TMEM156: variants seen among roughly 807,000 people sequenced by gnomAD.
TMEM156 encodes transmembrane protein 156.
A neutral mutation model predicts 30.5 loss-of-function variants in TMEM156; 28 were observed. That is an observed-to-expected ratio of 0.92 (90% CI 0.68 to 1.26). The LOEUF (loss-of-function observed/expected upper bound fraction) is 1.26. Among genes scored for constraint, TMEM156 ranks in the 50% most tolerant of loss-of-function variants. TMEM156 has a pLI of 0.00. For synonymous variants in TMEM156, 137 were observed against 119.9 expected (o/e 1.14, Z -0.93); for missense variants, 351 against 340.6 (o/e 1.03, Z -0.24).
At chr4:38,983,695 C>T (rs1359977743) in intron 5 of TMEM156, among the ~76,000 whole-genome samples, 8 of 152,222 alleles carry the variant, frequency 5.3e-5, no homozygotes, top group Non-Finnish European at 8.8e-5. Flanking sequence ...CCACCACACT[C>T]GGCCTAGAGT....
intron 1 of TMEM156, among the ~76,000 whole-genome samples, chr4:39,004,927 T>G (rs1713624911): frequency 6.6e-6 from 1 of 152,164 alleles, no homozygotes; most frequent in African/African-American, 2.4e-5. Flanking sequence ...GACCTGTACG[T>G]GAATTTTTAT....
intron 1 of TMEM156, among the ~76,000 whole-genome samples, chr4:39,001,643 C>T (rs1159145127): frequency 6.6e-6 from 1 of 150,428 alleles, no homozygotes; most frequent in African/African-American, 2.4e-5. Flanking sequence ...TACTACAAGG[C>T]TACAGTAACC....
At chr4:38,977,155 T>A (rs1722896992) in intron 5 of TMEM156, among the ~76,000 whole-genome samples, 1 of 152,184 alleles carries the variant, frequency 6.6e-6, no homozygotes, top group Admixed American at 6.5e-5. Context: ...TCCGCCCACC[T>A]CGGCCTTCCA....
Position 38,994,832 on chromosome 4 carries a change from T to C in TMEM156, c.359-834A>G, listed in dbSNP as rs1048264844. Reference sequence around the variant, plus strand: ...GCGTGGTGATGTGTGCCTGCAGGTGTAGCTACTTGGCAGGAGACTCGTTTG... The same window carrying C: ...GCGTGGTGATGTGTGCCTGCAGGTGCAGCTACTTGGCAGGAGACTCGTTTG... On this transcript the variant is annotated intron_variant, in intron 2 of 6. Coordinates refer to ENST00000381938, the MANE Select transcript of TMEM156 (RefSeq NM_024943.3). Among the ~76,000 whole-genome samples, 5 of 151,978 alleles carry C rather than the reference T, an allele frequency of 3.3e-5. No individual in the cohort carries two copies. The South Asian group carries it at 6.2e-4, about 19-fold the overall frequency.
intron 1 of TMEM156, among the ~76,000 whole-genome samples, chr4:39,006,058 G>A (rs892073648): frequency 1.3e-5 from 2 of 152,032 alleles, no homozygotes; most frequent in Non-Finnish European, 1.5e-5. Context: ...GCCATGCCTG[G>A]CTAATTTTTG....
chr4:38,990,830 G>GTTTCTTTTTTTTTTT (rs1553878600), intron 3 of TMEM156, among the ~76,000 whole-genome samples: 1 of 81,216 alleles, frequency 1.2e-5, no homozygotes, highest in African/African-American at 4.6e-5. Flanking sequence ...TTGTTTTCTG[G>GTTTCTTTTTTTTTTT]TTTTTTTTTT....
At chr4:39,000,393 A>G (rs1461184335) in intron 1 of TMEM156, among the ~76,000 whole-genome samples, 1 of 152,150 alleles carries the variant, frequency 6.6e-6, no homozygotes, top group East Asian at 1.9e-4. Flanking sequence ...CCATGTCTCA[A>G]AAGGAGAAAA....
chr4:39,010,079 C>A (rs1312950808), intron 1 of TMEM156, among the ~76,000 whole-genome samples: 1 of 152,030 alleles, frequency 6.6e-6, no homozygotes, highest in Non-Finnish European at 1.5e-5. Flanking sequence ...AAATCAGTAG[C>A]ATTTCTATAC....
intron 4 of TMEM156, 137 bp downstream of exon 4, chr4:38,988,714 C>T (rs3821986): frequency 0.51 from 588,451 of 1,155,666 alleles, 153,368 homozygotes; most frequent in East Asian, 0.68. Context: ...GTTTTATCTA[C>T]GTTTTTATTC....
At chr4:39,013,307 C>CAAA (rs71192810) in intron 1 of TMEM156, among the ~76,000 whole-genome samples, 1 of 102,660 alleles carries the variant, frequency 9.7e-6, no homozygotes, top group African/African-American at 3.3e-5. Flanking sequence ...GAACCTGTCT[C>CAAA]AAAAAAAAAA....
rs372813015 is a variant in TMEM156 at position 39,015,577 on chromosome 4, C to T, written c.88+16649G>A. Among the ~76,000 whole-genome samples, 37 of 152,230 alleles carry T rather than the reference C, an allele frequency of 2.4e-4. No homozygotes were observed. The East Asian group carries it at 3.7e-3, about 15-fold the overall frequency. On this transcript the variant is annotated intron_variant, in intron 1 of 6. Coordinates refer to ENST00000381938, the MANE Select transcript of TMEM156 (RefSeq NM_024943.3). ...TCTTACTGATACCTTGATTTTAGCC[C>T]GGGGATACCTCTGTTGAATGTCTAA...
At chr4:38,972,517 C>T (rs998397421) in intron 5 of TMEM156, among the ~76,000 whole-genome samples, 1 of 151,446 alleles carries the variant, frequency 6.6e-6, no homozygotes, top group African/African-American at 2.4e-5. Context: ...TCCCAAAGTG[C>T]TGGGATTACA....
intron 1 of TMEM156, among the ~76,000 whole-genome samples, chr4:39,025,943 T>C (rs936262629): frequency 1.3e-5 from 2 of 152,146 alleles, no homozygotes; most frequent in African/African-American, 4.8e-5. Flanking sequence ...TCCTTCAAGG[T>C]TTTCTTTTGA....
At chr4:38,969,812 C>G (rs953856227) in intron 6 of TMEM156, among the ~76,000 whole-genome samples, 3 of 152,108 alleles carry the variant, frequency 2.0e-5, no homozygotes, top group African/African-American at 7.2e-5. Context: ...AGGCTGGTCT[C>G]GAACCCCTGA....
At chr4:38,989,795 T>C (rs1372451228) in intron 3 of TMEM156, among the ~76,000 whole-genome samples, 4 of 150,262 alleles carry the variant, frequency 2.7e-5, no homozygotes, top group Non-Finnish European at 4.4e-5. Context: ...TTTATCTTAT[T>C]TTATTTTATT....
rs550624395 is a variant in TMEM156, at chr4:38,986,405, G to T, written c.754C>A (p.Pro252Thr). 1.2e-6 allele frequency: 2 copies of T among 1,612,446 alleles called. No individual in the cohort carries two copies. The highest frequency in any genetic ancestry group is 2.2e-5 in the East Asian group (1 of 44,844). The change falls in exon 5 of 7, where the codon CCT becomes ACT. Residue 252 changes from proline (P) to threonine (T), a missense_variant. By Grantham distance (38) the Pro-to-Thr change is conservative (BLOSUM62 -1). Coordinates refer to ENST00000381938, the MANE Select transcript of TMEM156 (RefSeq NM_024943.3). ...CTTCCTCTTAAGAGAACAGATGTAG[G>T]TTTGTCTCTATGACCTATTCCCAGA... ...VQKWQSHRDK[P>T]TSVLLRGSDS...
chr4:39,031,315 C>A (rs961275153), intron 1 of TMEM156, among the ~76,000 whole-genome samples: 1 of 152,148 alleles, frequency 6.6e-6, no homozygotes, highest in Non-Finnish European at 1.5e-5. Flanking sequence ...TTTTCCTAAT[C>A]TAGGTTTCAG....
chr4:39,020,961 T>C (rs538275531), intron 1 of TMEM156, among the ~76,000 whole-genome samples: 15 of 152,338 alleles, frequency 9.8e-5, no homozygotes, highest in African/African-American at 3.6e-4. Flanking sequence ...CACCAGCACT[T>C]GCTATATTTT....
At chr4:39,003,749 A>G (rs1454136597) in intron 1 of TMEM156, among the ~76,000 whole-genome samples, 3 of 152,172 alleles carry the variant, frequency 2.0e-5, no homozygotes, top group Admixed American at 2.0e-4. Flanking sequence ...AATATCACTA[A>G]AATACATGAA....
Sources: gnomAD v4.1 joint callset for allele counts (sites outside exome capture counted in the v4.1 genomes callset) on GRCh38, gnomAD v4.1.1 for gene constraint, MANE v1.5 for transcripts, NCBI Gene and HGNC (gene_info 2026-07-23, HGNC 2026-07-21) for gene names.